MROH2B: variants seen among roughly 807,000 people sequenced by gnomAD.
MROH2B encodes the protein maestro heat-like repeat-containing protein family member 2B.
MROH2B carries 177 observed loss-of-function variants against 208.6 expected under a neutral mutation model. That is an observed-to-expected ratio of 0.85 (90% CI 0.75 to 0.96). The LOEUF is 0.96. MROH2B is among the 40% of genes least tolerant of loss of function. The pLI is 0.00. For synonymous variants in MROH2B, 728 were observed against 659.0 expected (o/e 1.10, Z -1.60); for missense variants, 2,002 against 1,878.7 (o/e 1.07, Z -1.21).
At chr5:41,009,230 A>T in intron 32 of MROH2B, 50 bp downstream of exon 32, 1 of 1,605,224 alleles carries the variant, frequency 6.2e-7, no homozygotes, top group African/African-American at 1.3e-5. Flanking sequence ...GATAGATCAT[A>T]AAGATGGCGC....
intron 23 of MROH2B, 69 bp downstream of exon 23, chr5:41,032,972 A>C: frequency 6.3e-7 from 1 of 1,592,718 alleles, no homozygotes; most frequent in African/African-American, 1.3e-5. Flanking sequence ...TCACTTTTTA[A>C]AAAGATAGCC....
chr5:41,052,267 GA>G (rs1339298888), intron 12 of MROH2B, among the ~76,000 whole-genome samples, 197 bp downstream of exon 12: 1 of 132,120 alleles, frequency 7.6e-6, no homozygotes. Flanking sequence ...CAATAAAAGT[GA>G]TAAGATTAAA....
chr5:41,049,971 C>T (rs1248435190), intron 13 of MROH2B, among the ~76,000 whole-genome samples: 1 of 152,122 alleles, frequency 6.6e-6, no homozygotes, highest in African/African-American at 2.4e-5. Context: ...ACTCTCTTGT[C>T]CTAATGGAAA....
At chr5:41,003,382 C>T (rs1741466643) in intron 37 of MROH2B, among the ~76,000 whole-genome samples, 1 of 152,078 alleles carries the variant, frequency 6.6e-6, no homozygotes, top group Non-Finnish European at 1.5e-5. Context: ...CTGAAGAATG[C>T]TGTGGGCATA....
intron 21 of MROH2B, among the ~76,000 whole-genome samples, chr5:41,037,167 C>T (rs954383454): frequency 5.3e-5 from 8 of 152,024 alleles, no homozygotes; most frequent in African/African-American, 1.9e-4. Context: ...GGTCTTGATA[C>T]TTTGCCCAGG....
chr5:41,049,533 C>A, intron 13 of MROH2B, 97 bp from the exon 14 acceptor site: 1 of 1,432,038 alleles, frequency 7.0e-7, no homozygotes, highest in South Asian at 1.5e-5. Flanking sequence ...AGAAGCTTTT[C>A]TCCTGTTATT....
intron 30 of MROH2B, among the ~76,000 whole-genome samples, chr5:41,011,149 G>C (rs1349829611): frequency 6.6e-6 from 1 of 152,134 alleles, no homozygotes; most frequent in Admixed American, 6.5e-5. Context: ...TCATACATTT[G>C]GATTTTTGAC....
chr5:41,004,702 A>T, intron 36 of MROH2B, 72 bp downstream of exon 36: 1 of 1,559,078 alleles, frequency 6.4e-7, no homozygotes, highest in Non-Finnish European at 8.7e-7. Context: ...TGCAACAACT[A>T]GGCGTGGGTT....
At chr5:41,038,423 G>A (rs1228217482) in intron 21 of MROH2B, among the ~76,000 whole-genome samples, 1 of 152,096 alleles carries the variant, frequency 6.6e-6, no homozygotes. Context: ...ATTACCTGAT[G>A]CTATTTTAAA....
chr5:41,050,889 A>G, intron 13 of MROH2B, 88 bp downstream of exon 13: 8 of 853,190 alleles, frequency 9.4e-6, no homozygotes, highest in Non-Finnish European at 1.3e-5. Flanking sequence ...TGACAAATGG[A>G]GAACAAACTC....
Position 41,052,209 on chromosome 5 carries a change from GAAA to G in MROH2B, c.1230+253_1230+255del, listed in dbSNP as rs3073958. 3.1e-3 allele frequency among the ~76,000 whole-genome samples: 434 copies of G among 137,880 alleles called. 2 individuals are homozygous for G. The highest frequency in any genetic ancestry group is 0.011 in the Middle Eastern group (3 of 284). The allele number at this position is 137,880 out of a possible 152,430, so 90.5% of individuals were successfully genotyped here. On this transcript the variant is annotated intron_variant, in intron 12 of 41. Coordinates refer to ENST00000399564, the MANE Select transcript of MROH2B (RefSeq NM_173489.5). ...TTATTATAAGTTAGAGGTGATTTTA[GAAA>G]AAAAAAAAAAAAGAACTGAGAAAAC...
At chr5:41,006,067 AG>A (rs1741580348) in intron 34 of MROH2B, among the ~76,000 whole-genome samples, 1 of 151,836 alleles carries the variant, frequency 6.6e-6, no homozygotes, top group African/African-American at 2.4e-5. Context: ...AAAAGAAAAA[AG>A]GGATGCTTGA....
intron 33 of MROH2B, 62 bp downstream of exon 33, chr5:41,008,544 C>T: frequency 6.4e-7 from 1 of 1,567,592 alleles, no homozygotes. Flanking sequence ...ACTTCTGCAG[C>T]ACCACTCCTG....
At chr5:41,034,505 C>G (rs192226750) in intron 21 of MROH2B, among the ~76,000 whole-genome samples, 2 of 152,192 alleles carry the variant, frequency 1.3e-5, no homozygotes, top group Admixed American at 1.3e-4. Context: ...TGAGCCTTTC[C>G]CATCCAAATC....
Position 41,067,159 on chromosome 5 carries a change from T to C in MROH2B, c.150A>G (p.Ala50=). 1 of 1,556,506 alleles carries C rather than the reference T, an allele frequency of 6.4e-7. No homozygotes were observed. The stretch of plus-strand genomic sequence containing the variant: ...CATAATAAATCAATCGTTGGACAAT[T>C]GCATCATCCAAGATGTCAGTATTCT... ...VIQNTDILDD[A]IVQRLIYYAS... Residue 50 remains alanine (A), a synonymous_variant, in exon 3 of 42, where the codon GCA becomes GCG. Transcript: ENST00000399564.
Position 41,058,175 on chromosome 5 carries a change from GGCCCGT to G in MROH2B, c.638_643del (p.His213_Gly214del), listed in dbSNP as rs1291692965. ...CCGATGCAGCAGCAAGCTCACCGTG[GGCCCGT>G]GGGCCTTAACGATGCTCAAAGTCTG... On this transcript the variant is annotated inframe_deletion, in exon 7 of 42. Coordinates refer to ENST00000399564, the MANE Select transcript of MROH2B (RefSeq NM_173489.5). 3.1e-6 allele frequency: 5 copies of G among 1,600,062 alleles called. No homozygotes were observed. Among genetic ancestry groups the G allele is most frequent in the Non-Finnish European group, 4.3e-6 (5 of 1,172,944 alleles).
At chr5:41,060,038 C>A (rs548119235) in intron 6 of MROH2B, among the ~76,000 whole-genome samples, 1 of 152,314 alleles carries the variant, frequency 6.6e-6, no homozygotes, top group East Asian at 1.9e-4. Flanking sequence ...TACTGTCCCA[C>A]ATTTGTAATT....
chr5:41,031,769 A>G (rs1231509785), intron 24 of MROH2B, among the ~76,000 whole-genome samples: 3 of 151,942 alleles, frequency 2.0e-5, no homozygotes, highest in Non-Finnish European at 4.4e-5. Context: ...CCCAGTGTCT[A>G]TTGTTTCCTT....
intron 17 of MROH2B, among the ~76,000 whole-genome samples, chr5:41,046,442 T>C (rs200680958): frequency 8.7e-6 from 1 of 114,604 alleles, no homozygotes; most frequent in Non-Finnish European, 2.1e-5. Context: ...TAGAAAAGTG[T>C]TTTTTTTTTC....
Sources: gnomAD v4.1 joint callset for allele counts (sites outside exome capture counted in the v4.1 genomes callset) on GRCh38, gnomAD v4.1.1 for gene constraint, MANE v1.5 for transcripts, NCBI Gene and HGNC (gene_info 2026-07-23, HGNC 2026-07-21) for gene names.